The following NRXN1 variants were observed in gnomAD, a reference collection of about 807,000 sequenced individuals.
The protein encoded by NRXN1 is neurexin-1.
A neutral mutation model predicts 150.9 loss-of-function variants in NRXN1; 39 were observed. The ratio of observed to expected loss-of-function variants is 0.26; its 90% CI spans 0.20 to 0.34. The LOEUF is 0.34. NRXN1 is among the 10% of genes least tolerant of loss of function. NRXN1 has a pLI of 1.00. For missense variants in NRXN1, 1,815 were observed against 1,949.9 expected (o/e 0.93, Z 1.30); for synonymous variants, 924 against 757.0 (o/e 1.22, Z -3.62).
At chr2:50,858,414 T>C (rs1055783037) in intron 5 of NRXN1, among the ~76,000 whole-genome samples, 2 of 152,000 alleles carry the variant, frequency 1.3e-5, no homozygotes, top group African/African-American at 4.8e-5. Context: ...CAGATGCTTT[T>C]GTTGGAAAAA....
chr2:51,009,823 G>A (rs1667574790), intron 2 of NRXN1, among the ~76,000 whole-genome samples: 1 of 151,882 alleles, frequency 6.6e-6, no homozygotes, highest in South Asian at 2.1e-4. Context: ...TCACTCTGCT[G>A]AGGAGAAACG....
intron 18 of NRXN1, among the ~76,000 whole-genome samples, chr2:50,202,433 G>C (rs1162270394): frequency 6.6e-6 from 1 of 152,112 alleles, no homozygotes; most frequent in East Asian, 1.9e-4. Flanking sequence ...TTGAACATGG[G>C]AGGTGGAGCT....
At position 50,249,064 on chromosome 2, in the gene NRXN1, G is replaced by A. The variant is rs145589835; in HGVS notation, c.3365-12094C>T. ...CCTAGCTACTTGGGAGGCTGAAGTT[G>A]GAGGATCACTTGAGCCCAGGAGTTT... On this transcript the variant is annotated intron_variant, in intron 17 of 22. Coordinates refer to ENST00000401669, the MANE Select transcript of NRXN1 (RefSeq NM_001330078.2). Among the ~76,000 whole-genome samples, 1,321 of 149,812 alleles carry A rather than the reference G, an allele frequency of 8.8e-3. 20 individuals carry two copies. The highest frequency in any genetic ancestry group is 0.031 in the African/African-American group (1,258 of 40,508).
chr2:50,335,986 G>A (rs1396492545), intron 17 of NRXN1, among the ~76,000 whole-genome samples: 1 of 151,864 alleles, frequency 6.6e-6, no homozygotes, highest in East Asian at 1.9e-4. Context: ...TCCTGTGCCA[G>A]ATGTTTACAT....
chr2:50,134,672 C>T (rs1271915818), intron 18 of NRXN1, among the ~76,000 whole-genome samples: 1 of 152,112 alleles, frequency 6.6e-6, no homozygotes, highest in African/African-American at 2.4e-5. Context: ...CTTTTTCTCT[C>T]CCCTCCTTCC....
intron 18 of NRXN1, among the ~76,000 whole-genome samples, chr2:50,210,899 C>T (rs1040538029): frequency 2.0e-5 from 3 of 151,508 alleles, no homozygotes; most frequent in African/African-American, 7.3e-5. Context: ...ATACATAAGA[C>T]TTGCACTTTG....
chr2:50,491,007 C>G (rs369152071), intron 15 of NRXN1, among the ~76,000 whole-genome samples: 1 of 152,106 alleles, frequency 6.6e-6, no homozygotes, highest in East Asian at 1.9e-4. Context: ...GATGGCCTAA[C>G]CACAGGACAG....
chr2:50,253,172 A>C (rs2067327538), intron 17 of NRXN1, among the ~76,000 whole-genome samples: 1 of 151,958 alleles, frequency 6.6e-6, no homozygotes, highest in Non-Finnish European at 1.5e-5. Context: ...TTTTTGTAGT[A>C]ATTGTGAATG....
chr2:50,569,507 G>T lies in NRXN1; in HGVS notation c.1321-16482C>A, dbSNP rs532255616. ...ATTTTACAGAAACCAGTCAAAATTT[G>T]TTATATATATTATATGTAATATAAA... On this transcript the variant is annotated intron_variant, in intron 8 of 22. Transcript: ENST00000401669. 2.1e-4 allele frequency among the ~76,000 whole-genome samples: 32 copies of T among 152,018 alleles called. No individual in the cohort carries two copies. In the South Asian group the frequency reaches 6.6e-3, roughly 32 times the overall value.
intron 5 of NRXN1, among the ~76,000 whole-genome samples, chr2:50,859,929 T>C (rs1055720659): frequency 2.0e-4 from 30 of 151,962 alleles, no homozygotes; most frequent in African/African-American, 6.5e-4. Context: ...CTATGTTGTA[T>C]TGGATACATA....
intron 17 of NRXN1, among the ~76,000 whole-genome samples, chr2:50,271,169 T>A (rs542389362): frequency 6.6e-6 from 1 of 152,300 alleles, no homozygotes; most frequent in African/African-American, 2.4e-5. Context: ...AAATGCAGTA[T>A]TTCACATTAG....
chr2:49,996,495 G>GGACTA (rs1683026904), intron 21 of NRXN1, among the ~76,000 whole-genome samples: 1 of 152,150 alleles, frequency 6.6e-6, no homozygotes. Context: ...TAACTGACAT[G>GGACTA]GCAAAGTCTT....
At chr2:50,169,717 AAAAAAAAAAAAG>A (rs1194009950) in intron 18 of NRXN1, among the ~76,000 whole-genome samples, 1 of 149,500 alleles carries the variant, frequency 6.7e-6, no homozygotes, top group Non-Finnish European at 1.5e-5. Context: ...ATCTCAAAAA[AAAAAAAAAAAAG>A]AAAGAAAGAA....
intron 17 of NRXN1, among the ~76,000 whole-genome samples, chr2:50,339,297 T>C (rs1217993414): frequency 6.6e-6 from 1 of 152,128 alleles, no homozygotes; most frequent in African/African-American, 2.4e-5. Context: ...GACAAACAAG[T>C]CACCAAATAT....
In NRXN1 at chr2:50,114,536, T is replaced by G. The variant is rs75165907; in HGVS notation, c.3547-23042A>C. Reference sequence around the variant, plus strand: ...TAACCAGAAGAGCTGAGAATTTATGTCCACACAATAATCTGTACATGGATG... The same window carrying G: ...TAACCAGAAGAGCTGAGAATTTATGGCCACACAATAATCTGTACATGGATG... On this transcript the variant is annotated intron_variant, in intron 18 of 22. Transcript: ENST00000401669. Among the ~76,000 whole-genome samples, 588 of 152,298 alleles carry G rather than the reference T, an allele frequency of 3.9e-3. 3 individuals carry two copies. The highest frequency in any genetic ancestry group is 6.8e-3 in the Non-Finnish European group (465 of 67,994).
chr2:50,170,680 CA>C (rs890472794), intron 18 of NRXN1, among the ~76,000 whole-genome samples: 2 of 151,170 alleles, frequency 1.3e-5, no homozygotes, highest in African/African-American at 4.9e-5. Flanking sequence ...ATTCCACAAA[CA>C]AAAAAACCCT....
At chr2:50,724,009 G>A (rs1216764697) in intron 5 of NRXN1, among the ~76,000 whole-genome samples, 1 of 152,186 alleles carries the variant, frequency 6.6e-6, no homozygotes, top group Non-Finnish European at 1.5e-5. Context: ...TTTGGTAGAT[G>A]AATGGAGCAT....
chr2:50,237,414 C>T (rs925941845), intron 17 of NRXN1, among the ~76,000 whole-genome samples: 4 of 152,038 alleles, frequency 2.6e-5, no homozygotes, highest in East Asian at 1.9e-4. Flanking sequence ...TGGAGAAAGT[C>T]GCAACAAATG....
At chr2:50,737,384 T>A (rs1404707574) in intron 5 of NRXN1, among the ~76,000 whole-genome samples, 1 of 152,202 alleles carries the variant, frequency 6.6e-6, no homozygotes, top group African/African-American at 2.4e-5. Flanking sequence ...GTACTGTTTA[T>A]ACACATTGTT....
Sources: gnomAD v4.1 joint callset for allele counts (sites outside exome capture counted in the v4.1 genomes callset) on GRCh38, gnomAD v4.1.1 for gene constraint, MANE v1.5 for transcripts, NCBI Gene and HGNC (gene_info 2026-07-23, HGNC 2026-07-21) for gene names.